Variants in KCNN2 observed in about 807,000 individuals in gnomAD.
KCNN2 encodes small conductance calcium-activated potassium channel protein 2.
In KCNN2, 24 loss-of-function variants were observed where a neutral mutation model predicts 55.5. The observed-to-expected ratio is 0.43, with a 90% CI of 0.31 to 0.61. The LOEUF is 0.61. KCNN2 is among the 20% of genes least tolerant of loss of function. KCNN2 has a pLI of 0.08. For missense variants in KCNN2, 754 were observed against 853.6 expected (o/e 0.88, Z 1.45); for synonymous variants, 431 against 336.1 (o/e 1.28, Z -3.09).
At position 114,363,159 on chromosome 5, in the gene KCNN2, C is replaced by A; in HGVS notation, c.1020C>A (p.Phe340Leu). 6.2e-7 allele frequency: 1 copy of A among 1,613,544 alleles called. No homozygotes were observed. Among genetic ancestry groups the A allele is most frequent in the South Asian group, 1.1e-5 (1 of 91,068 alleles). ...AGCTGGGCCACCGGCGCGCCCTGTT[C>A]GAAAAGCGCAAGCGGCTCAGCGACT... ...GYKLGHRRAL[F>L]EKRKRLSDYA... is the part of the protein sequence containing the mutation. The change falls in exon 1 of 8, where the codon TTC (phenylalanine) becomes TTA (leucine). Residue 340 changes from phenylalanine to leucine, a missense_variant. Coordinates refer to ENST00000673685, the MANE Select transcript of KCNN2 (RefSeq NM_021614.4).
intron 4 of KCNN2, 46 bp downstream of exon 4, chr5:114,463,236 G>A: frequency 1.9e-6 from 3 of 1,549,394 alleles, no homozygotes; most frequent in African/African-American, 1.4e-5. Flanking sequence ...CGCTCAAGAA[G>A]GCACTTAAAC....
chr5:114,327,409 C>A (rs1254361102), intron 2 of KCNN2, among the ~76,000 whole-genome samples: 2 of 152,204 alleles, frequency 1.3e-5, no homozygotes, highest in Non-Finnish European at 2.9e-5. Flanking sequence ...TGGATAAACA[C>A]TTTTGGTGCA....
At chr5:114,112,692 A>C (rs1247367164) in intron 1 of KCNN2, among the ~76,000 whole-genome samples, 2 of 152,106 alleles carry the variant, frequency 1.3e-5, no homozygotes, top group East Asian at 3.9e-4. Context: ...AACCTCATTA[A>C]AAGCTGAAAA....
intron 2 of KCNN2, among the ~76,000 whole-genome samples, chr5:114,393,133 T>C (rs547050997): frequency 6.6e-6 from 1 of 152,276 alleles, no homozygotes; most frequent in Non-Finnish European, 1.5e-5. Context: ...ATCTTTCATG[T>C]ATATTGCTCT....
At chr5:114,139,265 G>A (rs1752227824) in intron 1 of KCNN2, among the ~76,000 whole-genome samples, 1 of 152,028 alleles carries the variant, frequency 6.6e-6, no homozygotes, top group African/African-American at 2.4e-5. Flanking sequence ...ATTTTGTGGT[G>A]TTGTTTTCTC....
At chr5:114,213,372 A>G (rs552598931) in intron 1 of KCNN2, among the ~76,000 whole-genome samples, 11 of 151,688 alleles carry the variant, frequency 7.3e-5, no homozygotes, top group Non-Finnish European at 1.5e-4. Flanking sequence ...TCTCCAGATA[A>G]CACATCTCCC....
At chr5:114,061,888 C>T (rs752536963) in intron 1 of KCNN2, among the ~76,000 whole-genome samples, 59 of 152,118 alleles carry the variant, frequency 3.9e-4, no homozygotes, top group African/African-American at 1.1e-3. Context: ...CACAGTTTTA[C>T]GAAGCTTGTC....
At chr5:114,284,674 T>C (rs1037245005) in intron 2 of KCNN2, among the ~76,000 whole-genome samples, 1 of 152,010 alleles carries the variant, frequency 6.6e-6, no homozygotes, top group Admixed American at 6.6e-5. Context: ...TGCGCCACCA[T>C]ACCCAGCTAA....
At chr5:114,414,144 A>C (rs1480213283) in intron 3 of KCNN2, among the ~76,000 whole-genome samples, 1 of 152,102 alleles carries the variant, frequency 6.6e-6, no homozygotes, top group Non-Finnish European at 1.5e-5. Context: ...TTATTTTAAA[A>C]TGTTTCCTTA....
chr5:114,118,878 C>T (rs561098585), intron 1 of KCNN2, among the ~76,000 whole-genome samples: 4 of 152,168 alleles, frequency 2.6e-5, no homozygotes, highest in South Asian at 2.1e-4. Context: ...ACAGGTGGCA[C>T]CTTCGGAGAC....
rs534655196 is a variant in KCNN2 at position 114,339,102 on chromosome 5, T to C, written c.-184-21843T>C. Among the ~76,000 whole-genome samples the C allele has an allele frequency of 7.9e-5, 12 of 152,330 alleles. No homozygotes were observed. The East Asian group carries it at 2.3e-3, about 29-fold the overall frequency. On this transcript the variant is annotated intron_variant, in intron 2 of 10. Transcript: ENST00000512097. ...TAGACAACTCCTTTGGTGGTTTTTC[T>C]CTTTCTTTGCCAAACGTACATAAGA... is the stretch of plus-strand genomic sequence containing the variant.
chr5:114,359,426 A>T (rs1274524154), upstream of KCNN2, among the ~76,000 whole-genome samples: 1 of 152,224 alleles, frequency 6.6e-6, no homozygotes, highest in Non-Finnish European at 1.5e-5. Context: ...AACTAATCCC[A>T]TATTACAGCA....
chr5:114,211,827 G>C (rs1028941527), intron 1 of KCNN2, among the ~76,000 whole-genome samples: 1 of 151,846 alleles, frequency 6.6e-6, no homozygotes, highest in Non-Finnish European at 1.5e-5. Flanking sequence ...TTGTAGAAAT[G>C]TTCAGACTTT....
intron 2 of KCNN2, among the ~76,000 whole-genome samples, chr5:114,332,705 A>G (rs1047697976): frequency 2.4e-4 from 37 of 152,188 alleles, no homozygotes; most frequent in African/African-American, 8.7e-4. Flanking sequence ...TAACTACTCA[A>G]ACACTTTTTA....
chr5:114,202,868 G>A (rs1753703192), intron 1 of KCNN2, among the ~76,000 whole-genome samples: 2 of 152,036 alleles, frequency 1.3e-5, no homozygotes, highest in Non-Finnish European at 2.9e-5. Context: ...TTACAGGCGT[G>A]AGCCACCGCA....
In KCNN2 at chr5:114,251,375, T is replaced by A. The variant is rs1754856523; in HGVS notation, c.-185+29810T>A. ...ATCCTCCTATGCTATCTATTAAATA[T>A]ATAACTTTGAACAAATTACTTAACT... On this transcript the variant is annotated intron_variant, in intron 2 of 10. Coordinates refer to the KCNN2 transcript ENST00000512097. Among the ~76,000 whole-genome samples, 8 of 152,366 alleles carry A rather than the reference T, an allele frequency of 5.3e-5. No individual in the cohort carries two copies. In the South Asian group the frequency reaches 1.7e-3, roughly 32 times the overall value.
In KCNN2 at chr5:114,092,283, G is replaced by C. The variant is rs527706338; in HGVS notation, c.-271+35783G>C. 2.1e-4 allele frequency among the ~76,000 whole-genome samples: 32 copies of C among 152,296 alleles called. 1 individual carries two copies. In the South Asian group the frequency reaches 5.6e-3, roughly 27 times the overall value. On this transcript the variant is annotated intron_variant, in intron 1 of 10. Transcript: ENST00000512097. ...TCATTAAATCTTAAAGTTCCAAAAT[G>C]ATGTCCTTTGACTCCATGTCTCACA...
At chr5:114,212,047 G>C (rs1580623708) in intron 1 of KCNN2, among the ~76,000 whole-genome samples, 1 of 151,350 alleles carries the variant, frequency 6.6e-6, no homozygotes, top group South Asian at 2.1e-4. Context: ...TATATGTTAA[G>C]TGTATATCTT....
chr5:114,409,164 G>T lies in KCNN2; in HGVS notation c.1637+4308G>T, dbSNP rs1005938911. Among the ~76,000 whole-genome samples, 5 of 152,158 alleles carry T rather than the reference G, an allele frequency of 3.3e-5. No homozygotes were observed. The East Asian group carries it at 9.7e-4, about 29-fold the overall frequency. ...TATTCATTTGCCAACTAAATGGCTT[G>T]TTAAGACTTCTTCCCAACGTAACGT... On this transcript the variant is annotated intron_variant, in intron 3 of 7. Transcript: ENST00000673685.
Sources: gnomAD v4.1 joint callset for allele counts (sites outside exome capture counted in the v4.1 genomes callset) on GRCh38, gnomAD v4.1.1 for gene constraint, MANE v1.5 for transcripts, NCBI Gene and HGNC (gene_info 2026-07-23, HGNC 2026-07-21) for gene names.